Variants in TTC17 observed in about 807,000 individuals in gnomAD.
TTC17 encodes tetratricopeptide repeat domain 17.
A neutral mutation model predicts 143.8 loss-of-function variants in TTC17; 58 were observed. That is an observed-to-expected ratio of 0.40 (90% CI 0.33 to 0.50). The LOEUF is 0.50. TTC17 is among the 20% of genes least tolerant of loss of function. TTC17 has a pLI of 0.49. For synonymous variants in TTC17, 501 were observed against 497.8 expected (o/e 1.01, Z -0.09); for missense variants, 1,273 against 1,392.5 (o/e 0.91, Z 1.37).
intron 11 of TTC17, among the ~76,000 whole-genome samples, chr11:43,404,602 G>A (rs1232597002): frequency 6.6e-6 from 1 of 152,168 alleles, no homozygotes; most frequent in Non-Finnish European, 1.5e-5. Flanking sequence ...ACATGTGCCT[G>A]TCTAGACTAG....
At chr11:43,425,773 C>G (rs1947014254) in intron 16 of TTC17, among the ~76,000 whole-genome samples, 1 of 152,152 alleles carries the variant, frequency 6.6e-6, no homozygotes, top group African/African-American at 2.4e-5. Flanking sequence ...TCTCAGTAAT[C>G]TGTTACTAAC....
At chr11:43,400,991 A>T (rs901660057) in intron 9 of TTC17, among the ~76,000 whole-genome samples, 1 of 152,034 alleles carries the variant, frequency 6.6e-6, no homozygotes, top group Non-Finnish European at 1.5e-5. Flanking sequence ...AATTCCCTTA[A>T]CAAGTTTTCT....
intron 21 of TTC17, among the ~76,000 whole-genome samples, chr11:43,474,105 C>T (rs1287374867): frequency 6.6e-6 from 1 of 152,072 alleles, no homozygotes; most frequent in Non-Finnish European, 1.5e-5. Flanking sequence ...ACCCAAATGC[C>T]CAGCAGTAGC....
chr11:43,361,924 TCATAAAGAAG>T (rs1856121268), intron 1 of TTC17, among the ~76,000 whole-genome samples: 1 of 151,974 alleles, frequency 6.6e-6, no homozygotes, highest in African/African-American at 2.4e-5. Flanking sequence ...TCCACAGTGA[TCATAAAGAAG>T]TACTTATGAC....
intron 15 of TTC17, among the ~76,000 whole-genome samples, chr11:43,412,981 GACACACACACACACACACACACACACAC>G (rs57982323): frequency 1.4e-5 from 2 of 140,482 alleles, no homozygotes; most frequent in South Asian, 2.3e-4. Context: ...ACCTAGAATA[GACACACACACACACACACACACACACAC>G]ACACACACAC....
chr11:43,395,196 G>A (rs1398967199), intron 5 of TTC17, among the ~76,000 whole-genome samples: 4 of 151,348 alleles, frequency 2.6e-5, no homozygotes, highest in Admixed American at 2.0e-4. Flanking sequence ...CGTCTCCTGG[G>A]TTCACGCTAT....
At chr11:43,431,700 ATAT>A (rs1947162905) in intron 16 of TTC17, among the ~76,000 whole-genome samples, 1 of 152,216 alleles carries the variant, frequency 6.6e-6, no homozygotes, top group Non-Finnish European at 1.5e-5. Context: ...AATGAAATGG[ATAT>A]TATTATTAAG....
intron 1 of TTC17, among the ~76,000 whole-genome samples, chr11:43,368,796 A>G (rs1292984279): frequency 6.6e-6 from 1 of 152,206 alleles, no homozygotes; most frequent in Non-Finnish European, 1.5e-5. Flanking sequence ...AGTTTTCCTT[A>G]TGGCCTACAA....
intron 21 of TTC17, among the ~76,000 whole-genome samples, chr11:43,479,475 A>G (rs1948246446): frequency 6.6e-6 from 1 of 152,210 alleles, no homozygotes; most frequent in African/African-American, 2.4e-5. Flanking sequence ...CTTTGTAAAA[A>G]ATTTACCTGA....
In TTC17 at chr11:43,389,762, C is replaced by T. The variant is rs752665609; in HGVS notation, c.360C>T (p.Pro120=). 9.9e-6 allele frequency: 16 copies of T among 1,613,910 alleles called. No homozygotes were observed. The South Asian group carries it at 1.6e-4, about 17-fold the overall frequency. Reference sequence around the variant, plus strand: ...CAGACTGCATCAAAGCCAAGGTGCCCTTAGGGGACCTGGATCTATATGATG... The same window carrying T: ...CAGACTGCATCAAAGCCAAGGTGCCTTTAGGGGACCTGGATCTATATGATG... ...EDPDCIKAKV[P]LGDLDLYDGT... is the part of the protein sequence containing the mutation. Residue 120 remains proline (P), a synonymous_variant, in exon 3 of 24, where the codon CCC becomes CCT. Transcript: ENST00000039989.
At chr11:43,465,338 C>T (rs1035298999) in intron 21 of TTC17, among the ~76,000 whole-genome samples, 1 of 152,050 alleles carries the variant, frequency 6.6e-6, no homozygotes, top group Non-Finnish European at 1.5e-5. Flanking sequence ...ACTAGACATT[C>T]AAGAGATGGG....
intron 15 of TTC17, among the ~76,000 whole-genome samples, chr11:43,409,280 T>C (rs777587583): frequency 6.6e-6 from 1 of 152,170 alleles, no homozygotes; most frequent in Non-Finnish European, 1.5e-5. Flanking sequence ...TAACAGTACT[T>C]AGCTATTATC....
At chr11:43,393,681 G>C (rs914284798) in intron 5 of TTC17, among the ~76,000 whole-genome samples, 1 of 152,176 alleles carries the variant, frequency 6.6e-6, no homozygotes, top group South Asian at 2.1e-4. Context: ...TCTGGGACCA[G>C]CATCTGTCCT....
intron 1 of TTC17, among the ~76,000 whole-genome samples, chr11:43,378,062 C>T (rs1260556045): frequency 1.3e-5 from 2 of 152,104 alleles, no homozygotes; most frequent in African/African-American, 4.8e-5. Context: ...CGCCACCATG[C>T]CAGCTAATTT....
intron 15 of TTC17, 145 bp downstream of exon 15, chr11:43,407,722 G>A (rs986162160): frequency 9.3e-5 from 69 of 739,188 alleles, no homozygotes; most frequent in Non-Finnish European, 1.4e-4. Flanking sequence ...AAGAGAGTGT[G>A]AAAAAGCTTT....
intron 21 of TTC17, among the ~76,000 whole-genome samples, chr11:43,484,915 T>C (rs1220586279): frequency 6.6e-6 from 1 of 151,918 alleles, no homozygotes; most frequent in Admixed American, 6.6e-5. Context: ...GCCTGAGCTG[T>C]ACATGCGAGG....
intron 21 of TTC17, among the ~76,000 whole-genome samples, chr11:43,488,024 G>A (rs992967110): frequency 7.2e-5 from 11 of 152,190 alleles, no homozygotes; most frequent in African/African-American, 2.4e-4. Flanking sequence ...AGGTACAGGG[G>A]ATTGGGACTT....
At chr11:43,428,521 G>GGTGCTGACTTTGCT (rs1409215829) in intron 16 of TTC17, among the ~76,000 whole-genome samples, 28 of 152,290 alleles carry the variant, frequency 1.8e-4, no homozygotes, top group Admixed American at 1.2e-3. Context: ...TGTCTCAACT[G>GGTGCTGACTTTGCT]GTGCTGACTT....
intron 16 of TTC17, among the ~76,000 whole-genome samples, chr11:43,433,325 C>T (rs1160379554): frequency 6.6e-6 from 1 of 152,134 alleles, no homozygotes; most frequent in African/African-American, 2.4e-5. Flanking sequence ...AACAGTTGAG[C>T]GTAAGAACGT....
Sources: allele counts gnomAD v4.1 joint callset (sites outside exome capture counted in the v4.1 genomes callset), GRCh38; gene constraint gnomAD v4.1.1; transcripts MANE v1.5; gene names NCBI Gene and HGNC (gene_info 2026-07-23, HGNC 2026-07-21).